The following EYS variants were observed in gnomAD, a reference collection of about 807,000 sequenced individuals.
EYS encodes protein eyes shut homolog.
In EYS, 250 loss-of-function variants were observed where a neutral mutation model predicts 282.1. The ratio of observed to expected loss-of-function variants is 0.89; its 90% CI spans 0.80 to 0.98. The LOEUF (loss-of-function observed/expected upper bound fraction) is 0.98. EYS is among the 50% of genes least tolerant of loss of function. EYS has a pLI of 0.00. For missense variants in EYS, 4,016 were observed against 3,709.0 expected, an observed-to-expected ratio of 1.08 and a Z score of -2.15; for synonymous variants, 1,355 against 1,282.9, an observed-to-expected ratio of 1.06 and a Z score of -1.20.
chr6:64,517,107 A>C lies in EYS; in HGVS notation c.5644+73116T>G, dbSNP rs189112180. ...TAAGATTATATACTGTCATATCTTGAAAGTCATTAATTTGGAGTTATCCTG... is the reference window on the plus strand; with the variant it reads ...TAAGATTATATACTGTCATATCTTGCAAGTCATTAATTTGGAGTTATCCTG... On this transcript the variant is annotated intron_variant, in intron 26 of 42. Coordinates refer to ENST00000503581, the MANE Select transcript of EYS (RefSeq NM_001142800.2). 3.4e-3 allele frequency among the ~76,000 whole-genome samples: 515 copies of C among 151,920 alleles called. 2 individuals are homozygous for C. Among genetic ancestry groups the C allele is most frequent in the Admixed American group, 4.6e-3 (70 of 15,200 alleles).
At chr6:65,371,779 A>C (rs1040295369) in intron 8 of EYS, among the ~76,000 whole-genome samples, 1 of 80,316 alleles carries the variant, frequency 1.2e-5, no homozygotes, top group Admixed American at 1.3e-4. Context: ...GTGTGTGTGT[A>C]ATGGGGGAAG....
intron 41 of EYS, among the ~76,000 whole-genome samples, chr6:63,738,493 A>T (rs1286376683): frequency 6.6e-6 from 1 of 150,576 alleles, no homozygotes; most frequent in African/African-American, 2.4e-5. Context: ...AAGAACAAAA[A>T]ACCAAACACC....
At position 65,442,881 on chromosome 6, in the gene EYS, T is replaced by C. The variant is rs944830014; in HGVS notation, c.863-37514A>G. 7.6e-5 allele frequency among the ~76,000 whole-genome samples: 8 copies of C among 104,818 alleles called. 3 individuals are homozygous for C. Among genetic ancestry groups the C allele is most frequent in the Non-Finnish European group, 1.9e-4 (8 of 41,336 alleles). 68.8% of individuals were successfully genotyped at this position (104,818 alleles called of 152,430 possible). A position where few individuals can be genotyped will look rare whatever the true frequency, so the allele number is the denominator to read the frequency against. On this transcript the variant is annotated intron_variant, in intron 5 of 42. Coordinates refer to ENST00000503581, the MANE Select transcript of EYS (RefSeq NM_001142800.2). The stretch of plus-strand genomic sequence containing the variant: ...GTACATATATACATACATATACACA[T>C]ACATATGTACATATATGTATATATA...
At chr6:64,214,920 CAAATCTGATTGAGATA>C (rs1301389107) in intron 31 of EYS, among the ~76,000 whole-genome samples, 1 of 151,824 alleles carries the variant, frequency 6.6e-6, no homozygotes, top group Admixed American at 6.6e-5. Context: ...TAAAATTATG[CAAATCTGATTGAGATA>C]ATAAGTAAAA....
At chr6:65,573,048 A>G (rs1177885586) in intron 2 of EYS, among the ~76,000 whole-genome samples, 1 of 152,082 alleles carries the variant, frequency 6.6e-6, no homozygotes, top group South Asian at 2.1e-4. Context: ...TCTATAATTT[A>G]GCCTTTATGG....
intron 11 of EYS, among the ~76,000 whole-genome samples, chr6:65,328,570 G>GAAATC (rs1769687814): frequency 6.6e-6 from 1 of 150,758 alleles, no homozygotes; most frequent in African/African-American, 2.4e-5. Context: ...TTTTCTTTGA[G>GAAATC]AAATCAAATT....
intron 22 of EYS, among the ~76,000 whole-genome samples, chr6:64,679,552 G>C (rs1477645645): frequency 6.6e-6 from 1 of 152,024 alleles, no homozygotes; most frequent in Non-Finnish European, 1.5e-5. Context: ...TAGAGTCCTG[G>C]AAGTGGAACT....
In EYS at chr6:63,734,883, A is replaced by G. The variant is rs138024796; in HGVS notation, c.8072-8203T>C. Among the ~76,000 whole-genome samples, 239 of 152,228 alleles carry G rather than the reference A, an allele frequency of 1.6e-3. 1 individual carries two copies. In the South Asian group the frequency reaches 0.023, roughly 14 times the overall value. ...CAGAGATCGGTAAGGAATTTAGGAG[A>G]TTTAAACAACACAATCAACATGTTT... On this transcript the variant is annotated intron_variant, in intron 41 of 42. Transcript: ENST00000503581.
intron 5 of EYS, among the ~76,000 whole-genome samples, chr6:65,451,404 C>T (rs1204229177): frequency 6.6e-6 from 1 of 152,000 alleles, no homozygotes; most frequent in East Asian, 1.9e-4. Context: ...AATCAAAATG[C>T]ATTATTTGAC....
At chr6:65,203,111 C>T (rs188223521) in intron 12 of EYS, among the ~76,000 whole-genome samples, 120 of 152,310 alleles carry the variant, frequency 7.9e-4, no homozygotes, top group African/African-American at 2.6e-3. Flanking sequence ...TCCTGATCAA[C>T]AAAGGCTATG....
intron 15 of EYS, among the ~76,000 whole-genome samples, chr6:64,919,372 G>A (rs548091095): frequency 1.3e-5 from 2 of 149,142 alleles, no homozygotes; most frequent in African/African-American, 4.9e-5. Context: ...GTTTCACCAT[G>A]TTGGTCAGGC....
In EYS at chr6:65,460,132, G is replaced by A. The variant is rs1202187607; in HGVS notation, c.862+30462C>T. Among the ~76,000 whole-genome samples, 6 of 148,700 alleles carry A rather than the reference G, an allele frequency of 4.0e-5. No individual in the cohort carries two copies. The Admixed American group carries it at 4.0e-4, about 10-fold the overall frequency. On this transcript the variant is annotated intron_variant, in intron 5 of 42. Transcript: ENST00000503581. ...AAAATATCCTCTAAGAGAAAAGACAGAATGGAGAGAGAAAAAATAAAAGGA... is the reference window on the plus strand; with the variant it reads ...AAAATATCCTCTAAGAGAAAAGACAAAATGGAGAGAGAAAAAATAAAAGGA...
At chr6:65,511,413 C>G (rs1204703589) in intron 2 of EYS, among the ~76,000 whole-genome samples, 1 of 151,874 alleles carries the variant, frequency 6.6e-6, no homozygotes, top group East Asian at 1.9e-4. Flanking sequence ...TTTAAATACT[C>G]ACCTATCTAG....
At chr6:64,340,521 C>T (rs986389916) in intron 29 of EYS, among the ~76,000 whole-genome samples, 2 of 151,786 alleles carry the variant, frequency 1.3e-5, no homozygotes, top group African/African-American at 2.4e-5. Context: ...TAGCCATGTG[C>T]AGAAGAATGG....
At chr6:65,682,149 C>A (rs1309253786) in intron 1 of EYS, among the ~76,000 whole-genome samples, 1 of 151,918 alleles carries the variant, frequency 6.6e-6, no homozygotes, top group East Asian at 1.9e-4. Context: ...GTTTAGCTGT[C>A]AGGTGCAATT....
intron 19 of EYS, among the ~76,000 whole-genome samples, chr6:64,833,885 A>G (rs1376362246): frequency 6.6e-6 from 1 of 151,924 alleles, no homozygotes; most frequent in Non-Finnish European, 1.5e-5. Flanking sequence ...AAAATTTGTG[A>G]CATTTTACAA....
At chr6:65,701,418 A>G (rs1769669595) in intron 1 of EYS, among the ~76,000 whole-genome samples, 1 of 152,104 alleles carries the variant, frequency 6.6e-6, no homozygotes, top group Non-Finnish European at 1.5e-5. Context: ...GTTCCCTATT[A>G]TCATCCTCCT....
chr6:65,353,021 C>A (rs540391200), intron 9 of EYS, among the ~76,000 whole-genome samples: 5 of 151,960 alleles, frequency 3.3e-5, no homozygotes, highest in South Asian at 2.1e-4. Context: ...TCATGGAAAC[C>A]TTTTCTGGCA....
At chr6:65,276,231 A>G (rs1460727674) in intron 12 of EYS, among the ~76,000 whole-genome samples, 1 of 152,154 alleles carries the variant, frequency 6.6e-6, no homozygotes, top group Non-Finnish European at 1.5e-5. Flanking sequence ...ATCAGTGTCC[A>G]TAGATGAGTT....
Sources: gnomAD v4.1 joint callset for allele counts (sites outside exome capture counted in the v4.1 genomes callset) on GRCh38, gnomAD v4.1.1 for gene constraint, MANE v1.5 for transcripts, NCBI Gene and HGNC (gene_info 2026-07-23, HGNC 2026-07-21) for gene names.